The following SHISA9 variants were observed in gnomAD, a reference collection of about 807,000 sequenced individuals.
SHISA9 encodes the protein shisa family member 9, also known as protein shisa-9.
In SHISA9, 13 loss-of-function variants were observed where a neutral mutation model predicts 38.0. The observed-to-expected ratio is 0.34, with a 90% confidence interval of 0.22 to 0.54. SHISA9 has a LOEUF of 0.54. SHISA9 is among the 20% of genes least tolerant of loss of function. The pLI, the probability that SHISA9 is intolerant of heterozygous loss-of-function variation, is 0.91. For synonymous variants in SHISA9, 275 were observed against 242.0 expected (o/e 1.14, Z -1.27); for missense variants, 538 against 575.8 (o/e 0.93, Z 0.67).
At chr16:13,536,459 A>G in the SHISA9 span, among the ~76,000 whole-genome samples, 17 of 152,208 alleles carry the variant, frequency 1.1e-4, no homozygotes, top group African/African-American at 3.9e-4. Context: ...TGCCATGTCT[A>G]TAGTACCCAG....
At chr16:12,937,371 C>T (rs1250154316) in intron 2 of SHISA9, among the ~76,000 whole-genome samples, 2 of 152,240 alleles carry the variant, frequency 1.3e-5, no homozygotes, top group African/African-American at 4.8e-5. Context: ...GAGTCAACCA[C>T]TGTAATAAGT....
intron 2 of SHISA9, among the ~76,000 whole-genome samples, chr16:12,923,597 G>A (rs74393022): frequency 6.6e-6 from 1 of 152,238 alleles, no homozygotes; most frequent in Non-Finnish European, 1.5e-5. Context: ...ATTTATTGTA[G>A]CTGGTTAACC....
intron 2 of SHISA9, among the ~76,000 whole-genome samples, chr16:13,006,214 C>T (rs1475558709): frequency 6.6e-6 from 1 of 152,210 alleles, no homozygotes; most frequent in African/African-American, 2.4e-5. Flanking sequence ...TTTACTTCCA[C>T]CCCAAAGGAA....
intron 2 of SHISA9, among the ~76,000 whole-genome samples, chr16:13,066,982 C>T (rs551184453): frequency 6.6e-6 from 1 of 152,174 alleles, no homozygotes; most frequent in South Asian, 2.1e-4. Context: ...CTGTATTGGG[C>T]TGGAGTATCA....
chr16:13,132,803 A>G (rs1168244082), intron 2 of SHISA9, among the ~76,000 whole-genome samples: 1 of 152,220 alleles, frequency 6.6e-6, no homozygotes. Flanking sequence ...GTCTTTGGAG[A>G]AAAATTCTGG....
chr16:13,546,080 C>G, the SHISA9 span, among the ~76,000 whole-genome samples: 1 of 152,192 alleles, frequency 6.6e-6, no homozygotes, highest in African/African-American at 2.4e-5. Flanking sequence ...TAATTCAGCC[C>G]TCTTGCCTAG....
intron 2 of SHISA9, among the ~76,000 whole-genome samples, chr16:13,078,734 G>A (rs1169170189): frequency 2.0e-5 from 3 of 152,102 alleles, no homozygotes; most frequent in African/African-American, 7.2e-5. Context: ...ATTCCAAGTT[G>A]GTTGAACCCT....
chr16:13,393,960 T>C, the SHISA9 span, among the ~76,000 whole-genome samples: 1 of 152,190 alleles, frequency 6.6e-6, no homozygotes, highest in Admixed American at 6.5e-5. Context: ...GCACTCACAC[T>C]CTTTGCCACG....
At chr16:12,979,727 A>C (rs1410326828) in intron 2 of SHISA9, among the ~76,000 whole-genome samples, 1 of 151,898 alleles carries the variant, frequency 6.6e-6, no homozygotes, top group Non-Finnish European at 1.5e-5. Flanking sequence ...TTGCTGTGGT[A>C]CATTTGTTTT....
At chr16:13,248,450 T>C in the SHISA9 span, among the ~76,000 whole-genome samples, 1 of 152,276 alleles carries the variant, frequency 6.6e-6, no homozygotes, top group Middle Eastern at 3.4e-3. Flanking sequence ...AGGCACTGCA[T>C]GCAGAGAGAA....
At chr16:13,415,212 A>T in the SHISA9 span, among the ~76,000 whole-genome samples, 71 of 152,354 alleles carry the variant, frequency 4.7e-4, no homozygotes, top group East Asian at 9.2e-3. Flanking sequence ...TTAACACTGG[A>T]TGAAGAAAAT....
the SHISA9 span, among the ~76,000 whole-genome samples, chr16:13,441,557 G>A: frequency 6.6e-6 from 1 of 152,192 alleles, no homozygotes; most frequent in African/African-American, 2.4e-5. Context: ...TTTGTTTTGG[G>A]TTAAATGATG....
the SHISA9 span, among the ~76,000 whole-genome samples, chr16:13,438,594 A>G: frequency 6.6e-6 from 1 of 152,220 alleles, no homozygotes; most frequent in Non-Finnish European, 1.5e-5. Context: ...AAAATTAGAC[A>G]TATCATTGTT....
At chr16:13,154,370 T>A (rs946531729) in intron 2 of SHISA9, among the ~76,000 whole-genome samples, 1 of 152,168 alleles carries the variant, frequency 6.6e-6, no homozygotes, top group African/African-American at 2.4e-5. Flanking sequence ...GGTAGAAGCA[T>A]GTGACTTGCT....
chr16:13,335,320 G>A, the SHISA9 span, among the ~76,000 whole-genome samples: 1 of 152,212 alleles, frequency 6.6e-6, no homozygotes, highest in East Asian at 1.9e-4. Context: ...AAAGTTTGCA[G>A]AGGAAGAGAG....
chr16:13,521,027 ATC>A, the SHISA9 span, among the ~76,000 whole-genome samples: 1 of 152,126 alleles, frequency 6.6e-6, no homozygotes, highest in Non-Finnish European at 1.5e-5. Flanking sequence ...TAGGAAGGTC[ATC>A]TCTGTGCATG....
chr16:13,413,209 A>G, the SHISA9 span, among the ~76,000 whole-genome samples: 11 of 152,312 alleles, frequency 7.2e-5, no homozygotes, highest in South Asian at 4.1e-4. Flanking sequence ...GAATTTTCAC[A>G]TGGAACTTGG....
chr16:13,140,895 C>T (rs2050396462), intron 2 of SHISA9, among the ~76,000 whole-genome samples: 1 of 152,022 alleles, frequency 6.6e-6, no homozygotes, highest in Non-Finnish European at 1.5e-5. Flanking sequence ...ATGTCTGGCA[C>T]AACTGTGGGC....
chr16:13,168,198 G>C (rs891821689), intron 2 of SHISA9, among the ~76,000 whole-genome samples: 7 of 152,144 alleles, frequency 4.6e-5, no homozygotes, highest in Admixed American at 3.3e-4. Flanking sequence ...GGCTGACTCA[G>C]GGTTGATTAC....
Sources: gnomAD v4.1 joint callset for allele counts (sites outside exome capture counted in the v4.1 genomes callset) on GRCh38, gnomAD v4.1.1 for gene constraint, MANE v1.5 for transcripts, NCBI Gene and HGNC (gene_info 2026-07-23, HGNC 2026-07-21) for gene names.